XKR4: variants seen among roughly 807,000 people sequenced by gnomAD.
XKR4 encodes XK-related protein 4.
A neutral mutation model predicts 53.9 loss-of-function variants in XKR4; 12 were observed. That is an observed-to-expected ratio of 0.22 (90% CI 0.14 to 0.36). XKR4 has a LOEUF of 0.36. Among genes scored for constraint, XKR4 ranks in the 10% least tolerant of loss-of-function variants. The probability of loss-of-function intolerance (pLI) is 1.00; values close to 1 mark genes in which losing one functional copy is unlikely to be tolerated. For missense variants in XKR4, 799 were observed against 859.5 expected (o/e 0.93, Z 0.88); for synonymous variants, 354 against 362.4 (o/e 0.98, Z 0.26).
At chr8:55,143,845 C>T (rs1816737162) in intron 1 of XKR4, among the ~76,000 whole-genome samples, 1 of 152,232 alleles carries the variant, frequency 6.6e-6, no homozygotes, top group Non-Finnish European at 1.5e-5. Flanking sequence ...GTAAATACAG[C>T]AAAGAGCCTT....
intron 1 of XKR4, among the ~76,000 whole-genome samples, chr8:55,140,891 A>G (rs1816692645): frequency 6.6e-6 from 1 of 152,208 alleles, no homozygotes; most frequent in South Asian, 2.1e-4. Flanking sequence ...GAGACCTTTC[A>G]GATGAACTGT....
Position 55,115,381 on chromosome 8 carries a change from T to TACACAC in XKR4, c.806+12105_806+12110dup, listed in dbSNP as rs34839811. Among the ~76,000 whole-genome samples, 1,283 of 149,684 alleles carry TACACAC rather than the reference T, an allele frequency of 8.6e-3. 13 individuals carry two copies. Among genetic ancestry groups the TACACAC allele is most frequent in the African/African-American group, 0.024 (965 of 40,606 alleles). On this transcript the variant is annotated intron_variant, in intron 1 of 2. Coordinates refer to ENST00000327381, the MANE Select transcript of XKR4 (RefSeq NM_052898.2). ...TGGAAACTTAACAGTGATAGGTGCA[T>TACACAC]ACACACACACACACACACACACAAA...
chr8:55,124,232 T>C (rs566936639), intron 1 of XKR4, among the ~76,000 whole-genome samples: 1 of 152,350 alleles, frequency 6.6e-6, no homozygotes, highest in East Asian at 1.9e-4. Context: ...CCTTCTGCTG[T>C]GCTCCTTGGC....
intron 2 of XKR4, among the ~76,000 whole-genome samples, chr8:55,520,094 G>C (rs372741145): frequency 6.6e-6 from 1 of 152,184 alleles, no homozygotes; most frequent in Non-Finnish European, 1.5e-5. Context: ...GCCATGCCTT[G>C]CTGAGGAAGT....
chr8:55,501,955 C>A (rs951794832), intron 2 of XKR4, among the ~76,000 whole-genome samples: 1 of 152,094 alleles, frequency 6.6e-6, no homozygotes, highest in Non-Finnish European at 1.5e-5. Flanking sequence ...TAACCTATAG[C>A]ACATCTTCCC....
intron 1 of XKR4, among the ~76,000 whole-genome samples, chr8:55,266,937 T>C (rs757630240): frequency 1.6e-4 from 25 of 152,188 alleles, no homozygotes; most frequent in Non-Finnish European, 3.4e-4. Context: ...TTACAGGACT[T>C]GTGTCCCCTA....
chr8:55,255,985 G>A (rs1818434554), intron 1 of XKR4, among the ~76,000 whole-genome samples: 1 of 151,468 alleles, frequency 6.6e-6, no homozygotes, highest in Non-Finnish European at 1.5e-5. Context: ...TGATAGAGGT[G>A]TGTCTAGGAT....
intron 2 of XKR4, among the ~76,000 whole-genome samples, chr8:55,482,692 T>C (rs1286233655): frequency 6.6e-6 from 1 of 152,152 alleles, no homozygotes; most frequent in East Asian, 1.9e-4. Flanking sequence ...AACTAAACTC[T>C]TTGAACTTAG....
chr8:55,275,431 G>A (rs1371900856), intron 1 of XKR4, among the ~76,000 whole-genome samples: 1 of 152,126 alleles, frequency 6.6e-6, no homozygotes, highest in African/African-American at 2.4e-5. Flanking sequence ...GGATATCTTT[G>A]ACTCCTCCAA....
At chr8:55,278,186 A>C (rs1001940156) in intron 1 of XKR4, among the ~76,000 whole-genome samples, 3 of 152,102 alleles carry the variant, frequency 2.0e-5, no homozygotes, top group Non-Finnish European at 4.4e-5. Flanking sequence ...AATCGAAAAA[A>C]ATTAGCCAGG....
intron 1 of XKR4, among the ~76,000 whole-genome samples, chr8:55,156,668 A>G (rs756406094): frequency 2.0e-5 from 3 of 152,118 alleles, no homozygotes; most frequent in East Asian, 3.8e-4. Flanking sequence ...TTTTTCCCCC[A>G]TTGTAAGTCT....
intron 1 of XKR4, among the ~76,000 whole-genome samples, chr8:55,247,994 T>A (rs1341177564): frequency 6.6e-6 from 1 of 151,236 alleles, no homozygotes; most frequent in Non-Finnish European, 1.5e-5. Context: ...TAACTGGGAC[T>A]ACAGGTGCGT....
chr8:55,137,165 T>G (rs16921239), intron 1 of XKR4, among the ~76,000 whole-genome samples: 6,694 of 152,044 alleles, frequency 0.044, 166 homozygotes, highest in Middle Eastern at 0.068. Context: ...CCCAATAATC[T>G]GCTAGAAAAA....
intron 1 of XKR4, among the ~76,000 whole-genome samples, chr8:55,301,162 C>T (rs560095812): frequency 1.9e-4 from 17 of 91,860 alleles, no homozygotes; most frequent in Admixed American, 6.8e-4. Flanking sequence ...CACCCCACAA[C>T]AGACCCCGGA....
At chr8:55,149,507 G>T (rs1489427603) in intron 1 of XKR4, among the ~76,000 whole-genome samples, 2 of 152,154 alleles carry the variant, frequency 1.3e-5, no homozygotes, top group Non-Finnish European at 2.9e-5. Context: ...GGAGCCTTTG[G>T]CATCGAGAAA....
At chr8:55,351,708 C>T (rs1296007076) in intron 1 of XKR4, among the ~76,000 whole-genome samples, 1 of 152,230 alleles carries the variant, frequency 6.6e-6, no homozygotes, top group Non-Finnish European at 1.5e-5. Context: ...ACACAGCCAA[C>T]ATCACTGGCC....
chr8:55,396,398 G>GGTTTTT (rs1804518758), intron 2 of XKR4, among the ~76,000 whole-genome samples: 1 of 36,478 alleles, frequency 2.7e-5, no homozygotes, highest in African/African-American at 2.3e-4. Context: ...TTTTTTGTTT[G>GGTTTTT]GTTTTTTTTT....
chr8:55,449,560 G>C (rs1423196459), intron 2 of XKR4: 10 of 1,485,236 alleles, frequency 6.7e-6, no homozygotes, highest in Non-Finnish European at 9.4e-6. Context: ...GCTGGGCTGA[G>C]GGCACGTCCT....
At chr8:55,104,884 A>G (rs1816118141) in intron 1 of XKR4, among the ~76,000 whole-genome samples, 1 of 152,200 alleles carries the variant, frequency 6.6e-6, no homozygotes, top group Non-Finnish European at 1.5e-5. Context: ...TAAGTGCTTA[A>G]TTTACTTACT....
Sources: allele counts gnomAD v4.1 joint callset (sites outside exome capture counted in the v4.1 genomes callset), GRCh38; gene constraint gnomAD v4.1.1; transcripts MANE v1.5; gene names NCBI Gene and HGNC (gene_info 2026-07-23, HGNC 2026-07-21).